Variants in GRM7 observed in about 807,000 individuals in gnomAD.
The protein encoded by GRM7 is glutamate metabotropic receptor 7, also known as metabotropic glutamate receptor 7.
In GRM7, 35 loss-of-function variants were observed where a neutral mutation model predicts 84.5. The observed-to-expected ratio is 0.41, with a 90% CI of 0.32 to 0.55. The LOEUF is 0.55. Among genes scored for constraint, GRM7 ranks in the 20% least tolerant of loss-of-function variants. The pLI, the probability that GRM7 is intolerant of heterozygous loss-of-function variation, is 0.19. For missense variants in GRM7, 1,003 were observed against 1,194.6 expected, an observed-to-expected ratio of 0.84 and a Z score of 2.36; for synonymous variants, 487 against 455.1, an observed-to-expected ratio of 1.07 and a Z score of -0.89.
At chr3:7,303,293 T>G (rs1420540808) in intron 3 of GRM7, among the ~76,000 whole-genome samples, 1 of 152,190 alleles carries the variant, frequency 6.6e-6, no homozygotes, top group Non-Finnish European at 1.5e-5. Flanking sequence ...AAAATATGAC[T>G]AAAGTACTTT....
intron 9 of GRM7, 69 bp downstream of exon 9, chr3:7,680,364 C>T (rs1294744629): frequency 2.0e-6 from 3 of 1,509,430 alleles, no homozygotes; most frequent in African/African-American, 2.7e-5. Flanking sequence ...GTGGGGTGTG[C>T]TTGCCTCTCT....
At chr3:6,906,101 C>T (rs1242437742) in intron 1 of GRM7, among the ~76,000 whole-genome samples, 1 of 152,188 alleles carries the variant, frequency 6.6e-6, no homozygotes, top group African/African-American at 2.4e-5. Context: ...TGGAATAATT[C>T]ATACAGTTTC....
chr3:7,714,634 T>G (rs2125168040), intron 9 of GRM7, among the ~76,000 whole-genome samples: 1 of 150,872 alleles, frequency 6.6e-6, no homozygotes, highest in Middle Eastern at 3.4e-3. Flanking sequence ...TGGCACAAGT[T>G]TGCTCTCCCA....
chr3:7,134,429 G>GTCATCATCATCATCATCA (rs59201451), intron 1 of GRM7, among the ~76,000 whole-genome samples: 2 of 150,854 alleles, frequency 1.3e-5, no homozygotes, highest in African/African-American at 2.4e-5. Context: ...CATCATCATC[G>GTCATCATCATCATCATCA]TCATCATCAT....
At chr3:7,057,468 C>G (rs547723412) in intron 1 of GRM7, among the ~76,000 whole-genome samples, 2 of 151,956 alleles carry the variant, frequency 1.3e-5, no homozygotes, top group Non-Finnish European at 2.9e-5. Flanking sequence ...CATCTAATAA[C>G]GTTTTCCCTA....
chr3:7,276,780 T>TCCCTCCCTCCC (rs1699076068), intron 2 of GRM7, among the ~76,000 whole-genome samples: 1 of 92 alleles, frequency 0.011, no homozygotes, highest in African/African-American at 0.023. Flanking sequence ...CCTTCCTTCC[T>TCCCTCCCTCCC]TCCTTCCTTC....
intron 1 of GRM7, among the ~76,000 whole-genome samples, chr3:7,043,784 C>T (rs1039856357): frequency 3.9e-5 from 6 of 152,128 alleles, no homozygotes; most frequent in Non-Finnish European, 5.9e-5. Context: ...TAACCACATC[C>T]CCTCTTCAGT....
At chr3:6,894,875 C>T (rs999229516) in intron 1 of GRM7, among the ~76,000 whole-genome samples, 13 of 152,110 alleles carry the variant, frequency 8.5e-5, no homozygotes, top group African/African-American at 3.1e-4. Context: ...GGTATTGAAA[C>T]ATCTATTTTC....
chr3:7,478,068 T>G (rs569383653), intron 7 of GRM7, among the ~76,000 whole-genome samples: 2 of 152,176 alleles, frequency 1.3e-5, no homozygotes, highest in African/African-American at 2.4e-5. Context: ...TAATGACCCT[T>G]CTATCTCCCA....
At chr3:6,946,852 T>G (rs1304345072) in intron 1 of GRM7, among the ~76,000 whole-genome samples, 1 of 152,208 alleles carries the variant, frequency 6.6e-6, no homozygotes, top group Non-Finnish European at 1.5e-5. Flanking sequence ...GGCTCTCTGT[T>G]TGTCTGTTAT....
At chr3:6,889,987 C>G (rs1181358875) in intron 1 of GRM7, among the ~76,000 whole-genome samples, 1 of 152,126 alleles carries the variant, frequency 6.6e-6, no homozygotes, top group African/African-American at 2.4e-5. Context: ...AGGAATTTAT[C>G]CATTTCTTCT....
intron 2 of GRM7, among the ~76,000 whole-genome samples, chr3:7,241,533 AAAG>A: frequency 6.6e-6 from 1 of 152,288 alleles, no homozygotes; most frequent in Non-Finnish European, 1.5e-5. Context: ...TAATTTAAAC[AAAG>A]ATGATTTACT....
chr3:7,318,923 C>G (rs1700675611), intron 4 of GRM7, among the ~76,000 whole-genome samples: 1 of 151,968 alleles, frequency 6.6e-6, no homozygotes, highest in South Asian at 2.1e-4. Context: ...TCTCTGAATT[C>G]ACATTTCAGA....
chr3:6,895,847 GT>G (rs1184314743), intron 1 of GRM7, among the ~76,000 whole-genome samples: 7 of 152,000 alleles, frequency 4.6e-5, no homozygotes, highest in Non-Finnish European at 1.0e-4. Flanking sequence ...ATGTTTTGCT[GT>G]TTGGAATAAG....
At chr3:7,475,047 T>G (rs1698866043) in intron 7 of GRM7, among the ~76,000 whole-genome samples, 1 of 152,200 alleles carries the variant, frequency 6.6e-6, no homozygotes, top group Non-Finnish European at 1.5e-5. Flanking sequence ...ACACAACTAT[T>G]CAGTTGTAGG....
intron 2 of GRM7, among the ~76,000 whole-genome samples, chr3:7,234,616 T>C (rs1475765825): frequency 6.6e-6 from 1 of 152,220 alleles, no homozygotes; most frequent in Non-Finnish European, 1.5e-5. Context: ...TCATACTGCA[T>C]GATTAAACGT....
At chr3:7,026,214 C>T (rs931003583) in intron 1 of GRM7, among the ~76,000 whole-genome samples, 2 of 152,180 alleles carry the variant, frequency 1.3e-5, no homozygotes, top group African/African-American at 4.8e-5. Flanking sequence ...TGGGTTGCAC[C>T]TTAGGCAGCA....
At chr3:6,935,649 A>C (rs1217049357) in intron 1 of GRM7, among the ~76,000 whole-genome samples, 4 of 149,842 alleles carry the variant, frequency 2.7e-5, no homozygotes, top group Admixed American at 2.0e-4. Flanking sequence ...GCAGAAGGAA[A>C]GGCTTTGATT....
chr3:6,974,982 G>C (rs1447251547), intron 1 of GRM7, among the ~76,000 whole-genome samples: 2 of 152,168 alleles, frequency 1.3e-5, no homozygotes, highest in African/African-American at 4.8e-5. Flanking sequence ...AGTAGAGGCA[G>C]ATATCATGAT....
Sources: gnomAD v4.1 joint callset for allele counts (sites outside exome capture counted in the v4.1 genomes callset) on GRCh38, gnomAD v4.1.1 for gene constraint, MANE v1.5 for transcripts, NCBI Gene and HGNC (gene_info 2026-07-23, HGNC 2026-07-21) for gene names.